The following LTN1 variants were observed in gnomAD, a reference collection of about 807,000 sequenced individuals.
LTN1 encodes the protein listerin E3 ubiquitin protein ligase 1.
In LTN1, 88 loss-of-function variants were observed where a neutral mutation model predicts 201.2. The observed-to-expected ratio is 0.44, with a 90% CI of 0.37 to 0.52. The LOEUF (loss-of-function observed/expected upper bound fraction) is 0.52, where lower values mean the gene tolerates loss of function less well. Ranked by LOEUF, LTN1 falls within the 20% of genes least tolerant of loss-of-function variation. LTN1 has a pLI of 0.00. For synonymous variants in LTN1, 645 were observed against 713.5 expected, an observed-to-expected ratio of 0.90 and a Z score of 1.53; for missense variants, 1,752 against 2,038.7, an observed-to-expected ratio of 0.86 and a Z score of 2.71.
intron 12 of LTN1, chr21:28,959,993 G>T: frequency 4.0e-6 from 1 of 250,650 alleles, no homozygotes; most frequent in Non-Finnish European, 7.6e-6. Flanking sequence ...AACCCTTTAG[G>T]ATATAGAACT....
intron 1 of LTN1, among the ~76,000 whole-genome samples, chr21:28,991,876 A>G (rs1434433254): frequency 6.6e-6 from 1 of 152,238 alleles, no homozygotes; most frequent in East Asian, 1.9e-4. Context: ...TAATAAATCT[A>G]ACACCATAAA....
chr21:28,946,159 A>C lies in LTN1; in HGVS notation c.3616T>G (p.Phe1206Val), dbSNP rs757952048. 1.3e-6 allele frequency: 2 copies of C among 1,578,346 alleles called. No homozygotes were observed. The highest frequency in any genetic ancestry group is 1.7e-6 in the Non-Finnish European group (2 of 1,164,228). Residue 1206 changes from phenylalanine to valine, a missense_variant, in exon 20 of 30, where the codon TTC (phenylalanine) becomes GTC (valine). By Grantham distance (50) the Phe-to-Val change is conservative. Transcript: ENST00000361371. ...WKKEHEDIFL[F>V]SCNLSEASPE... The stretch of plus-strand genomic sequence containing the variant: ...GTATAAAGTATCACCTACCAACTGA[A>C]AAGAAAAATATCTTCATGCTCTTTC...
intron 18 of LTN1, among the ~76,000 whole-genome samples, chr21:28,950,424 G>A (rs1009463454): frequency 3.9e-5 from 6 of 151,996 alleles, no homozygotes; most frequent in East Asian, 3.9e-4. Flanking sequence ...AGCTAATTCC[G>A]TATTACTTTT....
chr21:28,986,953 A>G lies in LTN1; in HGVS notation c.43-19T>C, dbSNP rs747738120. ...TTGAAGGCTGATAAGAAAATTACGG[A>G]GAAAAAAGTCAGAGTCCAGGAAGGG... On this transcript the variant is annotated intron_variant, in intron 1 of 29. Coordinates refer to ENST00000361371, the MANE Select transcript of LTN1 (RefSeq NM_015565.3). This position sits in a 1 kb window ranked among gnomAD's most constrained non-coding sequence, Gnocchi z 4.1. 3 of 1,593,036 alleles carry G rather than the reference A, an allele frequency of 1.9e-6. No individual in the cohort carries two copies.
chr21:28,971,166 G>T, intron 7 of LTN1, 105 bp downstream of exon 7: 1 of 943,348 alleles, frequency 1.1e-6, no homozygotes, highest in Non-Finnish European at 1.5e-6. Flanking sequence ...TTTATGCCAA[G>T]TTTAGATTAT....
Position 28,943,874 on chromosome 21 carries a change from A to T in LTN1, c.4013T>A (p.Phe1338Tyr). The change falls in exon 23 of 30, where the codon TTT becomes TAT. Residue 1338 changes from phenylalanine (F) to tyrosine (Y), a missense_variant. By Grantham distance (22) the Phe-to-Tyr change is conservative. This residue lies in a region of LTN1 where 1,211 missense variants were observed against 1,312.8 expected (regional missense o/e 0.92). Coordinates refer to ENST00000361371, the MANE Select transcript of LTN1 (RefSeq NM_015565.3). ...CATGGGTTTCAGCATTGCATTCTGA[A>T]AGGATGTTTCAGACACATCTTTGTT... ...GENKDVSETS[F>Y]QNAMLKPMCE... 1 of 1,613,404 alleles carries T rather than the reference A, an allele frequency of 6.2e-7. No homozygotes were observed. Among genetic ancestry groups the T allele is most frequent in the Non-Finnish European group, 8.5e-7 (1 of 1,179,454 alleles).
intron 6 of LTN1, among the ~76,000 whole-genome samples, chr21:28,973,524 C>A (rs2084592296): frequency 6.6e-6 from 1 of 151,520 alleles, no homozygotes; most frequent in African/African-American, 2.4e-5. Flanking sequence ...TAAAATATTA[C>A]CAAATCAAAG....
intron 3 of LTN1, 108 bp from the exon 4 acceptor site, chr21:28,985,030 T>A: frequency 1.5e-6 from 1 of 658,796 alleles, no homozygotes; most frequent in Non-Finnish European, 2.6e-6. Context: ...ACCTATGTAT[T>A]AAGCTAAACT....
rs376682927 is a variant in LTN1 at position 28,970,566 on chromosome 21, C to A, written c.1161G>T (p.Thr387=). ...PKLDFFKNFL[T]SLVAGLSTER... ...AAATTACTTACCCAGCAACTAGAGA[C>A]GTGAGGAAATTTTTGAAGAAATCCA... Residue 387 remains threonine, a synonymous_variant, in exon 8 of 30, where the codon ACG becomes ACT. Coordinates refer to ENST00000361371, the MANE Select transcript of LTN1 (RefSeq NM_015565.3). The A allele has an allele frequency of 8.1e-6, 13 of 1,611,058 alleles. No individual in the cohort carries two copies. Among genetic ancestry groups the A allele is most frequent in the Non-Finnish European group, 1.1e-5 (13 of 1,178,454 alleles).
rs116218125 is a variant in LTN1, at chr21:28,928,664, C to A, written c.*1784G>T. ...GTCTTAAAGAAATGTATTAAGAGTC[C>A]TAAGTATGAAGAACAGTTATTTAAT... On this transcript the variant is annotated 3_prime_UTR_variant, in exon 30 of 30. Transcript: ENST00000361371. The A allele has an allele frequency of 1.3e-5, 2 of 151,906 alleles. No individual in the cohort carries two copies. Among genetic ancestry groups the A allele is most frequent in the Admixed American group, 6.6e-5 (1 of 15,258 alleles). 9.4% of individuals were successfully genotyped at this position (151,906 alleles called of 1,614,324 possible). A position where few individuals can be genotyped will look rare whatever the true frequency, so the allele number is the denominator to read the frequency against.
intron 23 of LTN1, 29 bp from the exon 24 acceptor site, chr21:28,943,365 T>C (rs757000778): frequency 3.0e-6 from 4 of 1,320,376 alleles, no homozygotes; most frequent in South Asian, 1.2e-5. Flanking sequence ...TTTTTAAATA[T>C]GTGATATTAA....
intron 29 of LTN1, 95 bp downstream of exon 29, chr21:28,931,060 T>C (rs2084206371): frequency 5.7e-6 from 4 of 699,144 alleles, no homozygotes; most frequent in Non-Finnish European, 8.8e-6. Flanking sequence ...AGTTAGACAT[T>C]GTGTAGGTGT....
At chr21:28,941,838 T>C (rs1568835025) in intron 24 of LTN1, among the ~76,000 whole-genome samples, 1 of 152,232 alleles carries the variant, frequency 6.6e-6, no homozygotes, top group Non-Finnish European at 1.5e-5. Context: ...ATCTACTTAG[T>C]ACTATTAAGA....
Position 28,958,492 on chromosome 21 carries a change from A to G in LTN1, c.2641T>C (p.Leu881=), listed in dbSNP as rs144054253. 400 of 1,611,014 alleles carry G rather than the reference A, an allele frequency of 2.5e-4. No individual in the cohort carries two copies. The highest frequency in any genetic ancestry group is 3.1e-4 in the Non-Finnish European group (370 of 1,178,728). ...GAACTGTCAGTTTGATGAACCAATAAATTTACACCAGAGAGCCAAGTATTT... is the reference window on the plus strand; with the variant it reads ...GAACTGTCAGTTTGATGAACCAATAGATTTACACCAGAGAGCCAAGTATTT... ...LKNTWLSGVN[L]LVHQTDSSYK... Residue 881 remains leucine (L), a synonymous_variant, in exon 14 of 30, where the codon TTA becomes CTA. Transcript: ENST00000361371.
intron 3 of LTN1, among the ~76,000 whole-genome samples, chr21:28,985,175 T>G (rs2084687881): frequency 1.3e-5 from 2 of 152,172 alleles, no homozygotes; most frequent in Admixed American, 1.3e-4. Context: ...AGTTGGGCCT[T>G]GAGGCCGAGC....
intron 4 of LTN1, 74 bp downstream of exon 4, chr21:28,984,618 A>T: frequency 9.6e-7 from 1 of 1,041,028 alleles, no homozygotes; most frequent in Non-Finnish European, 1.4e-6. Context: ...CCCAAGTAAA[A>T]GAGCTGTCAT....
intron 26 of LTN1, 53 bp from the exon 27 acceptor site, chr21:28,935,382 A>G: frequency 9.6e-7 from 1 of 1,045,532 alleles, no homozygotes; most frequent in Non-Finnish European, 1.4e-6. Flanking sequence ...ATATAGAATA[A>G]CAGACTAATA....
intron 3 of LTN1, 72 bp from the exon 4 acceptor site, chr21:28,984,994 C>T: frequency 6.0e-6 from 6 of 992,450 alleles, no homozygotes; most frequent in East Asian, 2.6e-5. Context: ...TCCGGATATG[C>T]TATAATGACC....
chr21:28,973,955 C>G (rs2084595793), intron 6 of LTN1, among the ~76,000 whole-genome samples: 1 of 151,930 alleles, frequency 6.6e-6, no homozygotes, highest in African/African-American at 2.4e-5. Flanking sequence ...ACTCCATAAC[C>G]AAAAAATTAA....
Sources: allele counts gnomAD v4.1 joint callset (sites outside exome capture counted in the v4.1 genomes callset), GRCh38; gene constraint gnomAD v4.1.1; regional missense constraint gnomAD v4.1.1; non-coding constraint Gnocchi (gnomAD v3.1); transcripts MANE v1.5; gene names NCBI Gene and HGNC (gene_info 2026-07-23, HGNC 2026-07-21).